Variants in SSH2 observed in about 807,000 individuals in gnomAD.
SSH2 encodes slingshot protein phosphatase 2, also known as protein phosphatase Slingshot homolog 2.
SSH2 carries 37 observed loss-of-function variants against 135.2 expected under a neutral mutation model. That is an observed-to-expected ratio of 0.27 (90% CI 0.21 to 0.36). The LOEUF (loss-of-function observed/expected upper bound fraction) is 0.36. Ranked by LOEUF, SSH2 falls within the 10% of genes least tolerant of loss-of-function variation. The pLI is 1.00. For missense variants in SSH2, 1,408 were observed against 1,765.3 expected (o/e 0.80, Z 3.63); for synonymous variants, 628 against 646.2 (o/e 0.97, Z 0.43).
At chr17:29,733,109 T>A (rs937112989) in intron 3 of SSH2, among the ~76,000 whole-genome samples, 2 of 152,180 alleles carry the variant, frequency 1.3e-5, no homozygotes. Context: ...CCAGCAGTCT[T>A]TTAGTTGACA....
At chr17:29,911,763 G>T (rs753426210) in intron 1 of SSH2, among the ~76,000 whole-genome samples, 5 of 152,122 alleles carry the variant, frequency 3.3e-5, no homozygotes, top group African/African-American at 9.7e-5. Context: ...TAAAATGACT[G>T]ATAGAAGCTA....
intron 3 of SSH2, among the ~76,000 whole-genome samples, chr17:29,750,374 G>C (rs1012548026): frequency 2.0e-5 from 3 of 151,150 alleles, no homozygotes; most frequent in Non-Finnish European, 2.9e-5. Context: ...AGGAGGTGGA[G>C]GTGGCAGCGA....
chr17:29,684,436 C>T (rs2038118397), intron 6 of SSH2, 127 bp downstream of exon 6: 1 of 854,514 alleles, frequency 1.2e-6, no homozygotes, highest in Admixed American at 2.6e-5. Context: ...GAGATTGAGC[C>T]ACTGCACTCT....
chr17:29,697,961 T>C (rs909636585), intron 4 of SSH2, among the ~76,000 whole-genome samples: 29 of 152,336 alleles, frequency 1.9e-4, no homozygotes, highest in African/African-American at 4.6e-4. Context: ...AAATGATGAA[T>C]GGATAAATAA....
At chr17:29,916,723 A>G (rs1371425112) in intron 1 of SSH2, among the ~76,000 whole-genome samples, 1 of 152,194 alleles carries the variant, frequency 6.6e-6, no homozygotes, top group Non-Finnish European at 1.5e-5. Flanking sequence ...ACTGGCAGGT[A>G]ACATTTTTAT....
chr17:29,713,643 G>A (rs1339744913), intron 3 of SSH2, among the ~76,000 whole-genome samples: 2 of 151,998 alleles, frequency 1.3e-5, no homozygotes, highest in Non-Finnish European at 2.9e-5. Flanking sequence ...GAATACCTTT[G>A]AAAAGAACAC....
At chr17:29,690,053 C>A (rs936960887) in intron 5 of SSH2, among the ~76,000 whole-genome samples, 1 of 150,024 alleles carries the variant, frequency 6.7e-6, no homozygotes, top group African/African-American at 2.5e-5. Flanking sequence ...CTCTCCTCAG[C>A]ATCATCTAAC....
intron 3 of SSH2, among the ~76,000 whole-genome samples, chr17:29,747,032 A>G (rs960677883): frequency 6.6e-6 from 1 of 152,224 alleles, no homozygotes; most frequent in African/African-American, 2.4e-5. Flanking sequence ...ATGGATCACG[A>G]ATATCCATGT....
chr17:29,845,418 A>T (rs1246401310), intron 2 of SSH2, among the ~76,000 whole-genome samples: 5 of 152,098 alleles, frequency 3.3e-5, no homozygotes, highest in Non-Finnish European at 5.9e-5. Flanking sequence ...TGTGGGAAAT[A>T]CTCCCTGAAA....
At chr17:29,782,811 C>G (rs2041869066) in intron 3 of SSH2, among the ~76,000 whole-genome samples, 2 of 152,182 alleles carry the variant, frequency 1.3e-5, no homozygotes, top group African/African-American at 2.4e-5. Flanking sequence ...GTCTCGAACT[C>G]CTGACCTCAG....
intron 2 of SSH2, among the ~76,000 whole-genome samples, chr17:29,833,641 TTTTTTCC>T (rs2042886997): frequency 1.7e-5 from 2 of 119,346 alleles, no homozygotes; most frequent in Middle Eastern, 5.1e-3. Context: ...TTTTCTGTTT[TTTTTTCC>T]TTCCTTCCTT....
intron 4 of SSH2, among the ~76,000 whole-genome samples, chr17:29,696,140 G>C (rs1264903583): frequency 6.7e-6 from 1 of 148,432 alleles, no homozygotes; most frequent in Admixed American, 6.8e-5. Flanking sequence ...CTGGAGTGTA[G>C]TGACTGATAT....
At chr17:29,675,420 C>G (rs2037665374) in intron 8 of SSH2, among the ~76,000 whole-genome samples, 1 of 152,134 alleles carries the variant, frequency 6.6e-6, no homozygotes, top group African/African-American at 2.4e-5. Context: ...AAATTCAAAT[C>G]CCTGACTGGG....
intron 2 of SSH2, among the ~76,000 whole-genome samples, chr17:29,841,912 T>TTTTTTTTTTTTTTTTTTTTTTTTTA (rs1276810837): frequency 6.7e-6 from 1 of 148,634 alleles, no homozygotes; most frequent in African/African-American, 2.5e-5. Flanking sequence ...TTTTTTTTTT[T>TTTTTTTTTTTTTTTTTTTTTTTTTA]TTGTAGAGAC....
rs868499912 is a variant in SSH2 at position 29,692,179 on chromosome 17, A to C, written c.357+3280T>G. On this transcript the variant is annotated intron_variant, in intron 5 of 15. Coordinates refer to ENST00000540801, the MANE Select transcript of SSH2 (RefSeq NM_001282129.2). ...ATAAATAAAAAATAAAAAAAAAAAAACAAGACTTTCAGTTGACTATCAAAC... is the reference window on the plus strand; with the variant it reads ...ATAAATAAAAAATAAAAAAAAAAAACCAAGACTTTCAGTTGACTATCAAAC... Among the ~76,000 whole-genome samples, 308 of 147,716 alleles carry C rather than the reference A, an allele frequency of 2.1e-3. 1 individual carries two copies. Among genetic ancestry groups the C allele is most frequent in the African/African-American group, 7.2e-3 (292 of 40,290 alleles).
At chr17:29,880,019 T>C (rs1371823460) in intron 1 of SSH2, among the ~76,000 whole-genome samples, 1 of 152,200 alleles carries the variant, frequency 6.6e-6, no homozygotes, top group Non-Finnish European at 1.5e-5. Flanking sequence ...CAACTCAATA[T>C]ACTGTATACA....
intron 14 of SSH2, among the ~76,000 whole-genome samples, chr17:29,637,246 A>G (rs2035948320): frequency 6.6e-6 from 1 of 152,174 alleles, no homozygotes; most frequent in African/African-American, 2.4e-5. Flanking sequence ...TTACAGGAAC[A>G]TGCCACCATG....
chr17:29,677,824 G>T (rs149660335), intron 6 of SSH2, 83 bp from the exon 7 acceptor site: 7 of 1,036,776 alleles, frequency 6.8e-6, no homozygotes, highest in Non-Finnish European at 1.0e-5. Flanking sequence ...TCAACACCAA[G>T]GATAAACCCT....
chr17:29,853,141 C>T (rs138975931), intron 1 of SSH2, among the ~76,000 whole-genome samples: 1,521 of 143,824 alleles, frequency 0.011, 38 homozygotes, highest in African/African-American at 0.034. Context: ...GGCGGGAGTG[C>T]AGTGGCGCGA....
Sources: allele counts gnomAD v4.1 joint callset (sites outside exome capture counted in the v4.1 genomes callset), GRCh38; gene constraint gnomAD v4.1.1; transcripts MANE v1.5; gene names NCBI Gene and HGNC (gene_info 2026-07-23, HGNC 2026-07-21).